Variants in CDCA7 observed in about 807,000 individuals in gnomAD.
The protein encoded by CDCA7 is cell division cycle-associated protein 7.
In CDCA7, 28 loss-of-function variants were observed where a neutral mutation model predicts 54.0. That is an observed-to-expected ratio of 0.52 (90% CI 0.38 to 0.71). The LOEUF (loss-of-function observed/expected upper bound fraction) is 0.71. Among genes scored for constraint, CDCA7 ranks in the 30% least tolerant of loss-of-function variants. The pLI is 0.00. For missense variants in CDCA7, 484 were observed against 586.0 expected, an observed-to-expected ratio of 0.83 and a Z score of 1.80; for synonymous variants, 180 against 208.2, an observed-to-expected ratio of 0.86 and a Z score of 1.16.
Position 173,365,444 on chromosome 2 carries a change from T to C in CDCA7, c.895-8T>C, listed in dbSNP as rs200477786. ...GAAGTTCTGTGTTTTGTATTCCTTG[T>C]AATGCAGGAAGATGACCTGCCCAGA... On this transcript the variant is annotated splice_polypyrimidine_tract_variant and splice_region_variant and intron_variant, in intron 6 of 9. Transcript: ENST00000306721. 42 of 1,605,510 alleles carry C rather than the reference T, an allele frequency of 2.6e-5. No homozygotes were observed. In the South Asian group the frequency reaches 4.5e-4, roughly 17 times the overall value.
rs755002399 is a variant in CDCA7 at position 173,366,245 on chromosome 2, G to GT, written c.1036-38_1036-37insT. ...GCCATTTCCTCTGTTGAAAAACAGTGGTTTTTTTTGTTTTTTTTCTTAATG... is the reference window on the plus strand; with the variant it reads ...GCCATTTCCTCTGTTGAAAAACAGTGTGTTTTTTTTGTTTTTTTTCTTAATG... On this transcript the variant is annotated intron_variant, in intron 7 of 9. Coordinates refer to ENST00000306721, the MANE Select transcript of CDCA7 (RefSeq NM_031942.5). The surrounding 1 kb of genome is among the most constrained non-coding windows in gnomAD (Gnocchi z 4.5). 55 of 1,470,368 alleles carry GT rather than the reference G, an allele frequency of 3.7e-5. No homozygotes were observed. Among genetic ancestry groups the GT allele is most frequent in the Middle Eastern group, 1.8e-4 (1 of 5,500 alleles). 91.1% of individuals were successfully genotyped at this position (1,470,368 alleles called of 1,614,324 possible).
rs963926204 is a variant in CDCA7 at position 173,366,217 on chromosome 2, T to C, written c.1036-66T>C. ...ACTACGAAGAGGGACATTCTGTAAA[T>C]ATGCCATTTCCTCTGTTGAAAAACA... On this transcript the variant is annotated intron_variant, in intron 7 of 9. Coordinates refer to ENST00000306721, the MANE Select transcript of CDCA7 (RefSeq NM_031942.5). This position sits in a 1 kb window ranked among gnomAD's most constrained non-coding sequence, Gnocchi z 4.5. The C allele has an allele frequency of 2.0e-6, 3 of 1,537,094 alleles. No individual in the cohort carries two copies. Among genetic ancestry groups the C allele is most frequent in the African/African-American group, 1.4e-5 (1 of 72,080 alleles).
chr2:173,365,665 G>T, intron 7 of CDCA7, 73 bp downstream of exon 7: 1 of 1,531,624 alleles, frequency 6.5e-7, no homozygotes, highest in Non-Finnish European at 8.8e-7. Flanking sequence ...CCTAAGCGTT[G>T]CCCAGGTTCT....
At chr2:173,367,353 T>C (rs1686743333) in intron 9 of CDCA7, 67 bp downstream of exon 9, 2 of 1,600,298 alleles carry the variant, frequency 1.2e-6, no homozygotes, top group Non-Finnish European at 8.6e-7. Flanking sequence ...AATGAGAAGA[T>C]GATAGATGTC....
At position 173,367,152 on chromosome 2, in the gene CDCA7, C is replaced by G. The variant is rs1395520240; in HGVS notation, c.1188C>G (p.Asn396Lys). ...EEVRDALLDPNWHCPPCRGIC... is the reference protein window; with the variant it reads ...EEVRDALLDPKWHCPPCRGIC... ...GCCGTTTGACAATCCTCCTTCAGAACTGGCATTGCCCGCCTTGTCGAGGAA... is the reference window on the plus strand; with the variant it reads ...GCCGTTTGACAATCCTCCTTCAGAAGTGGCATTGCCCGCCTTGTCGAGGAA... The change falls in exon 9 of 10, where the codon AAC (asparagine) becomes AAG (lysine). Residue 396 changes from asparagine (N) to lysine (K), a missense_variant and splice_region_variant. Asn to Lys is a moderately conservative substitution (Grantham distance 94, BLOSUM62 0). Coordinates refer to ENST00000306721, the MANE Select transcript of CDCA7 (RefSeq NM_031942.5). 8 of 1,583,316 alleles carry G rather than the reference C, an allele frequency of 5.1e-6. No homozygotes were observed. The highest frequency in any genetic ancestry group is 1.4e-5 in the African/African-American group (1 of 73,424).
Position 173,364,782 on chromosome 2 carries a change from G to A in CDCA7, c.700-13G>A, listed in dbSNP as rs371303570. The stretch of plus-strand genomic sequence containing the variant: ...ATGGAATAAATGGATTCCCTTATAC[G>A]TGCTTTGTTTAGCAATCAAGGAGAC... On this transcript the variant is annotated splice_polypyrimidine_tract_variant and intron_variant, in intron 5 of 9. Transcript: ENST00000306721. 8.0e-5 allele frequency: 127 copies of A among 1,589,034 alleles called. No individual in the cohort carries two copies. The highest frequency in any genetic ancestry group is 1.0e-4 in the Non-Finnish European group (122 of 1,172,752).
rs575009166 is a variant in CDCA7, at chr2:173,366,247, T to G, written c.1036-36T>G. On this transcript the variant is annotated intron_variant, in intron 7 of 9. Transcript: ENST00000306721. The surrounding 1 kb of genome is among the most constrained non-coding windows in gnomAD (Gnocchi z 4.5). Reference sequence around the variant, plus strand: ...CATTTCCTCTGTTGAAAAACAGTGGTTTTTTTTGTTTTTTTTCTTAATGGC... The same window carrying G: ...CATTTCCTCTGTTGAAAAACAGTGGGTTTTTTTGTTTTTTTTCTTAATGGC... The G allele has an allele frequency of 3.3e-5, 48 of 1,475,778 alleles. No individual in the cohort carries two copies. In the Admixed American group the frequency reaches 6.6e-4, roughly 20 times the overall value. 91.4% of individuals were successfully genotyped at this position (1,475,778 alleles called of 1,614,324 possible).
At chr2:173,365,014 C>G (rs1426604052) in intron 6 of CDCA7, 25 bp downstream of exon 6, 2 of 1,541,608 alleles carry the variant, frequency 1.3e-6, no homozygotes, top group Non-Finnish European at 1.7e-6. Flanking sequence ...TTGGTACTTG[C>G]TCTTCTGATT....
intron 3 of CDCA7, 47 bp from the exon 4 acceptor site, chr2:173,363,179 C>T (rs765131453): frequency 1.9e-6 from 3 of 1,560,168 alleles, no homozygotes; most frequent in East Asian, 4.5e-5. Context: ...TATACTGATG[C>T]AGCTTGTCTG....
At chr2:173,363,529 C>G (rs2278638) in intron 4 of CDCA7, 67 bp downstream of exon 4, 95,695 of 1,440,040 alleles carry the variant, frequency 0.066, 3,653 homozygotes, top group South Asian at 0.11. Context: ...TAAATCTGTT[C>G]CATCACGCAA....
Position 173,367,143 on chromosome 2 carries a change from CCTT to C in CDCA7, c.1186-5_1186-3del, listed in dbSNP as rs1305085497. On this transcript the variant is annotated splice_polypyrimidine_tract_variant and splice_region_variant and intron_variant, in intron 8 of 9. Transcript: ENST00000306721. ...CTTAATTGTGCCGTTTGACAATCCT[CCTT>C]CAGAACTGGCATTGCCCGCCTTGTC... 3 of 1,574,620 alleles carry C rather than the reference CCTT, an allele frequency of 1.9e-6. No individual in the cohort carries two copies. Among genetic ancestry groups the C allele is most frequent in the Non-Finnish European group, 2.6e-6 (3 of 1,162,894 alleles).
At chr2:173,365,721 C>A in intron 7 of CDCA7, 129 bp downstream of exon 7, 1 of 1,044,536 alleles carries the variant, frequency 9.6e-7, no homozygotes, top group Non-Finnish European at 1.3e-6. Flanking sequence ...TTTTTTCACA[C>A]AAGGAAGGAA....
Position 173,363,449 on chromosome 2 carries a change from AAAAC to A in CDCA7, c.612_615del (p.Asn204LysfsTer11). 6.2e-7 allele frequency: 1 copy of A among 1,613,390 alleles called. No homozygotes were observed. Among genetic ancestry groups the A allele is most frequent in the Non-Finnish European group, 8.5e-7 (1 of 1,179,272 alleles). On this transcript the variant is annotated frameshift_variant, in exon 4 of 10. Coordinates refer to ENST00000306721, the MANE Select transcript of CDCA7 (RefSeq NM_031942.5). LOFTEE classifies it high-confidence loss of function. ...GAGAAAAGGGCTTTAAATATAAAGC[AAAAC>A]AAAGCAATGGTAGGTATCTGACTTT...
Position 173,366,923 on chromosome 2 carries a change from C to T in CDCA7, c.1186-227C>T, listed in dbSNP as rs374871666. Among the ~76,000 whole-genome samples, 2 of 152,186 alleles carry T rather than the reference C, an allele frequency of 1.3e-5. No homozygotes were observed. Among genetic ancestry groups the T allele is most frequent in the South Asian group, 2.1e-4 (1 of 4,830 alleles). ...AGGCATGAGCCGCTTCTACGATACT[C>T]GGGTCTGAACTGTCCCTGGGAAGTT... On this transcript the variant is annotated intron_variant, in intron 8 of 9. Coordinates refer to ENST00000306721, the MANE Select transcript of CDCA7 (RefSeq NM_031942.5). This position sits in a 1 kb window ranked among gnomAD's most constrained non-coding sequence, Gnocchi z 4.5.
chr2:173,359,244 T>C lies in CDCA7; in HGVS notation c.148-11T>C, dbSNP rs1182952774. The C allele has an allele frequency of 6.3e-7, 1 of 1,597,140 alleles. No individual in the cohort carries two copies. The highest frequency in any genetic ancestry group is 8.6e-7 in the Non-Finnish European group (1 of 1,169,044). On this transcript the variant is annotated splice_polypyrimidine_tract_variant and intron_variant, in intron 2 of 9. Transcript: ENST00000306721. ...AAAATGCACAACCGCATTTATTTAT[T>C]TATTTTACAGAAACCTAAATTCAGG...
chr2:173,357,769 C>G (rs1244665254), intron 1 of CDCA7, among the ~76,000 whole-genome samples: 1 of 152,098 alleles, frequency 6.6e-6, no homozygotes, highest in Non-Finnish European at 1.5e-5. Context: ...ATTAAAATCT[C>G]CTGTGGGGCT....
rs13418393 is a variant in CDCA7, at chr2:173,364,743, T to C, written c.700-52T>C. The C allele has an allele frequency of 6.7e-3, 10,288 of 1,544,848 alleles. 613 individuals are homozygous for C. In the African/African-American group the frequency reaches 0.13, roughly 19 times the overall value. Reference sequence around the variant, plus strand: ...AGAAGCTATGAATTCCCCAAAGTACTACTTCTCTTTATTATGGAATAAATG... The same window carrying C: ...AGAAGCTATGAATTCCCCAAAGTACCACTTCTCTTTATTATGGAATAAATG... On this transcript the variant is annotated intron_variant, in intron 5 of 9. Transcript: ENST00000306721.
chr2:173,358,067 G>C (rs1025629508), intron 1 of CDCA7, among the ~76,000 whole-genome samples: 1 of 152,086 alleles, frequency 6.6e-6, no homozygotes, highest in Non-Finnish European at 1.5e-5. Context: ...GGGCGTGGTG[G>C]CGGGCGCCTG....
intron 2 of CDCA7, 43 bp downstream of exon 2, chr2:173,358,880 T>C: frequency 6.3e-7 from 1 of 1,586,628 alleles, no homozygotes; most frequent in Non-Finnish European, 8.6e-7. Context: ...TCTGCAGTGC[T>C]CAAAATGCCC....
Sources: gnomAD v4.1 joint callset for allele counts (sites outside exome capture counted in the v4.1 genomes callset) on GRCh38, gnomAD v4.1.1 for gene constraint, Gnocchi (gnomAD v3.1) non-coding constraint, MANE v1.5 for transcripts, NCBI Gene and HGNC (gene_info 2026-07-23, HGNC 2026-07-21) for gene names.